Variants in ZFPM2 observed in about 807,000 individuals in gnomAD.
ZFPM2 encodes the protein zinc finger protein, FOG family member 2, also known as zinc finger protein ZFPM2.
In ZFPM2, 20 loss-of-function variants were observed where a neutral mutation model predicts 98.6. That is an observed-to-expected ratio of 0.20 (90% confidence interval 0.14 to 0.29). ZFPM2 has a LOEUF of 0.29. Ranked by LOEUF, ZFPM2 falls within the 10% of genes least tolerant of loss-of-function variation. The pLI is 1.00. For synonymous variants in ZFPM2, 518 were observed against 502.7 expected (o/e 1.03, Z -0.41); for missense variants, 1,310 against 1,388.6 (o/e 0.94, Z 0.90).
At chr8:105,622,456 A>G (rs1400009984) in intron 4 of ZFPM2, among the ~76,000 whole-genome samples, 1 of 152,210 alleles carries the variant, frequency 6.6e-6, no homozygotes, top group African/African-American at 2.4e-5. Flanking sequence ...TTTCAGGTTT[A>G]CAATGAGCAC....
At chr8:105,550,691 G>T (rs997730631) in intron 3 of ZFPM2, among the ~76,000 whole-genome samples, 1 of 152,142 alleles carries the variant, frequency 6.6e-6, no homozygotes, top group Non-Finnish European at 1.5e-5. Context: ...AATCACCTCT[G>T]AACTTCTGAC....
chr8:105,590,003 A>G, intron 4 of ZFPM2, among the ~76,000 whole-genome samples: 1 of 152,170 alleles, frequency 6.6e-6, no homozygotes, highest in African/African-American at 2.4e-5. Context: ...TACAGGTGTG[A>G]GCCACTGCTC....
intron 1 of ZFPM2, among the ~76,000 whole-genome samples, chr8:105,328,300 G>C (rs1812152246): frequency 6.6e-6 from 1 of 151,734 alleles, no homozygotes; most frequent in Non-Finnish European, 1.5e-5. Flanking sequence ...CATGAAGCTT[G>C]TTGTTTTGAT....
At chr8:105,800,029 G>T (rs527694807) in intron 7 of ZFPM2, among the ~76,000 whole-genome samples, 1 of 152,050 alleles carries the variant, frequency 6.6e-6, no homozygotes, top group Non-Finnish European at 1.5e-5. Context: ...CATATTGGTT[G>T]TCTCAGATGG....
intron 4 of ZFPM2, among the ~76,000 whole-genome samples, chr8:105,616,988 G>C (rs942168210): frequency 1.7e-5 from 2 of 118,620 alleles, no homozygotes; most frequent in Admixed American, 1.2e-4. Context: ...CTGCACTCCA[G>C]CCTGGGGGAC....
intron 1 of ZFPM2, among the ~76,000 whole-genome samples, chr8:105,415,389 T>C (rs747797961): frequency 6.6e-6 from 1 of 152,036 alleles, no homozygotes; most frequent in Non-Finnish European, 1.5e-5. Flanking sequence ...TCAGAAGCAA[T>C]TGAAGAGCTG....
At chr8:105,491,647 G>C (rs1206866173) in intron 3 of ZFPM2, among the ~76,000 whole-genome samples, 3 of 152,058 alleles carry the variant, frequency 2.0e-5, no homozygotes, top group African/African-American at 7.2e-5. Context: ...TGTAATTAAT[G>C]GTGGAAAAAG....
chr8:105,572,893 A>G (rs980141079), intron 4 of ZFPM2, among the ~76,000 whole-genome samples: 1 of 152,058 alleles, frequency 6.6e-6, no homozygotes, highest in African/African-American at 2.4e-5. Context: ...GCCATTTTGT[A>G]TCACTTTCTA....
At chr8:105,714,037 A>G (rs183968485) in intron 5 of ZFPM2, among the ~76,000 whole-genome samples, 2 of 152,110 alleles carry the variant, frequency 1.3e-5, no homozygotes, top group East Asian at 3.9e-4. Flanking sequence ...GAATCTGTAG[A>G]TTGTTTTGGG....
intron 5 of ZFPM2, among the ~76,000 whole-genome samples, chr8:105,688,974 C>A (rs75368735): frequency 8.7e-4 from 133 of 152,212 alleles, no homozygotes; most frequent in African/African-American, 3.0e-3. Context: ...TGGCTCCACC[C>A]CACCTACTAT....
intron 5 of ZFPM2, among the ~76,000 whole-genome samples, chr8:105,784,227 G>T (rs1427432383): frequency 2.6e-5 from 4 of 152,110 alleles, no homozygotes; most frequent in African/African-American, 9.7e-5. Flanking sequence ...ATTAAAGCGG[G>T]CCATATTTAT....
At chr8:105,534,694 A>C (rs1312551769) in intron 3 of ZFPM2, among the ~76,000 whole-genome samples, 1 of 152,148 alleles carries the variant, frequency 6.6e-6, no homozygotes, top group Non-Finnish European at 1.5e-5. Context: ...GTGAAAATAC[A>C]TGTGGCTGAA....
At chr8:105,503,670 A>T (rs12674625) in intron 3 of ZFPM2, among the ~76,000 whole-genome samples, 1 of 152,024 alleles carries the variant, frequency 6.6e-6, no homozygotes, top group Non-Finnish European at 1.5e-5. Context: ...CATACTTTAA[A>T]GTATTTGTAG....
chr8:105,348,460 A>G (rs1427556079), intron 1 of ZFPM2, among the ~76,000 whole-genome samples: 2 of 152,130 alleles, frequency 1.3e-5, no homozygotes, highest in African/African-American at 4.8e-5. Flanking sequence ...TTGTTTCTCT[A>G]TGGGTTTTGC....
At chr8:105,398,810 A>G (rs766324754) in intron 1 of ZFPM2, among the ~76,000 whole-genome samples, 1 of 152,180 alleles carries the variant, frequency 6.6e-6, no homozygotes, top group Non-Finnish European at 1.5e-5. Flanking sequence ...TACATTATTC[A>G]GCAAATGTGT....
At chr8:105,533,450 G>C (rs551059246) in intron 3 of ZFPM2, among the ~76,000 whole-genome samples, 43 of 152,042 alleles carry the variant, frequency 2.8e-4, no homozygotes, top group Non-Finnish European at 5.0e-4. Flanking sequence ...GCAATCTTCA[G>C]AAAACAATTA....
intron 2 of ZFPM2, among the ~76,000 whole-genome samples, chr8:105,440,140 A>C (rs1221756267): frequency 6.6e-6 from 1 of 152,206 alleles, no homozygotes; most frequent in African/African-American, 2.4e-5. Context: ...TCACTTAAAT[A>C]CTCCTCTAGT....
intron 4 of ZFPM2, among the ~76,000 whole-genome samples, chr8:105,597,802 C>T (rs1171290075): frequency 1.3e-5 from 2 of 152,006 alleles, no homozygotes; most frequent in African/African-American, 4.8e-5. Context: ...TGAATAATGT[C>T]TTTCATTTGG....
At chr8:105,643,955 G>T (rs1052200456) in intron 5 of ZFPM2, among the ~76,000 whole-genome samples, 3 of 152,160 alleles carry the variant, frequency 2.0e-5, no homozygotes, top group African/African-American at 7.2e-5. Context: ...ACAGCAATTT[G>T]TTTATACATT....
Sources: allele counts gnomAD v4.1 joint callset (sites outside exome capture counted in the v4.1 genomes callset), GRCh38; gene constraint gnomAD v4.1.1; transcripts MANE v1.5; gene names NCBI Gene and HGNC (gene_info 2026-07-23, HGNC 2026-07-21).